The following STAC variants were observed in gnomAD, a reference collection of about 807,000 sequenced individuals.
The protein encoded by STAC is SH3 and cysteine rich domain.
In STAC, 43 loss-of-function variants were observed where a neutral mutation model predicts 48.8. The ratio of observed to expected loss-of-function variants is 0.88; its 90% CI spans 0.69 to 1.14. The LOEUF is 1.14. Among genes scored for constraint, STAC ranks in the 50% most tolerant of loss-of-function variants. The pLI is 0.00. For synonymous variants in STAC, 193 were observed against 179.5 expected, an observed-to-expected ratio of 1.07 and a Z score of -0.60; for missense variants, 497 against 504.0, an observed-to-expected ratio of 0.99 and a Z score of 0.13.
chr3:36,449,160 A>G (rs1407202785), intron 2 of STAC, among the ~76,000 whole-genome samples: 1 of 152,114 alleles, frequency 6.6e-6, no homozygotes, highest in Non-Finnish European at 1.5e-5. Flanking sequence ...TCTGTGGATT[A>G]GAGGAGGGGA....
intron 2 of STAC, among the ~76,000 whole-genome samples, chr3:36,455,594 C>T (rs990526522): frequency 3.3e-5 from 5 of 152,354 alleles, no homozygotes; most frequent in Middle Eastern, 3.4e-3. Flanking sequence ...TCATCCTGCA[C>T]TATCATTCAG....
chr3:36,509,791 C>T (rs148522140), intron 8 of STAC, among the ~76,000 whole-genome samples: 287 of 151,968 alleles, frequency 1.9e-3, no homozygotes, highest in African/African-American at 6.5e-3. Flanking sequence ...CTGCCTTACA[C>T]CTTATACAAA....
rs181824031 is a variant in STAC at position 36,445,778 on chromosome 3, G to A, written c.388+2138G>A. On this transcript the variant is annotated intron_variant, in intron 2 of 10. Transcript: ENST00000273183. ...ATGACATCCCAGAAAAGATATTAAAGCTGTTTGTTTTTTCCTTTCTACTGG... is the reference window on the plus strand; with the variant it reads ...ATGACATCCCAGAAAAGATATTAAAACTGTTTGTTTTTTCCTTTCTACTGG... Among the ~76,000 whole-genome samples, 9 of 152,278 alleles carry A rather than the reference G, an allele frequency of 5.9e-5. No homozygotes were observed. The East Asian group carries it at 1.5e-3, about 26-fold the overall frequency.
chr3:36,476,528 T>C (rs913706255), intron 2 of STAC, among the ~76,000 whole-genome samples: 6 of 152,130 alleles, frequency 3.9e-5, no homozygotes, highest in Admixed American at 3.9e-4. Context: ...GGTTTCATGT[T>C]GAAAATGAAG....
chr3:36,414,917 A>T (rs2125638386), intron 1 of STAC, among the ~76,000 whole-genome samples: 1 of 152,060 alleles, frequency 6.6e-6, no homozygotes, highest in African/African-American at 2.4e-5. Context: ...GGTCTGTTGG[A>T]GTTTGCTAGA....
intron 6 of STAC, among the ~76,000 whole-genome samples, chr3:36,494,357 T>C (rs1698080448): frequency 6.6e-6 from 1 of 152,206 alleles, no homozygotes; most frequent in Non-Finnish European, 1.5e-5. Context: ...GGACCTGAGT[T>C]GCATTGTTAA....
At chr3:36,476,542 G>A (rs1384828429) in intron 2 of STAC, among the ~76,000 whole-genome samples, 1 of 152,168 alleles carries the variant, frequency 6.6e-6, no homozygotes, top group Non-Finnish European at 1.5e-5. Context: ...AATGAAGCAA[G>A]GAAAGTAGGG....
At chr3:36,451,656 TTACATGTGTTATTTTGA>T (rs1322371604) in intron 2 of STAC, among the ~76,000 whole-genome samples, 1 of 152,216 alleles carries the variant, frequency 6.6e-6, no homozygotes, top group African/African-American at 2.4e-5. Flanking sequence ...TATTTATGAG[TTACATGTGTTATTTTGA>T]TACATGCATA....
rs543474558 is a variant in STAC at position 36,414,414 on chromosome 3, T to C, written c.112-28950T>C. Among the ~76,000 whole-genome samples, 44 of 152,350 alleles carry C rather than the reference T, an allele frequency of 2.9e-4. No homozygotes were observed. The South Asian group carries it at 8.9e-3, about 31-fold the overall frequency. On this transcript the variant is annotated intron_variant, in intron 1 of 10. Coordinates refer to ENST00000273183, the MANE Select transcript of STAC (RefSeq NM_003149.3). ...TCTCTAAACTTATCTTCTCGCTTCA[T>C]TTCATTCATTTGATCTTCCATCACT...
At chr3:36,432,567 T>C (rs573613869) in intron 1 of STAC, among the ~76,000 whole-genome samples, 145 of 152,184 alleles carry the variant, frequency 9.5e-4, no homozygotes, top group Non-Finnish European at 1.8e-3. Context: ...CTGGGTATGG[T>C]AGTGGGTGCC....
rs113491862 is a variant in STAC at position 36,493,180 on chromosome 3, A to T, written c.717A>T (p.Glu239Asp). The T allele has an allele frequency of 3.1e-6, 5 of 1,613,548 alleles. No individual in the cohort carries two copies. Among genetic ancestry groups the T allele is most frequent in the Non-Finnish European group, 4.2e-6 (5 of 1,179,628 alleles). The stretch of plus-strand genomic sequence containing the variant: ...CAGATCTTGTGGAGGTTCCTGAGGA[A>T]GCCAATGGGCCAGGAGGCGGGTATG... ...STSDLVEVPEEANGPGGGYDL... is the reference protein window; with the variant it reads ...STSDLVEVPEDANGPGGGYDL... The change falls in exon 6 of 11, where the codon GAA becomes GAT. Residue 239 changes from glutamate to aspartate, a missense_variant. By Grantham distance (45) the Glu-to-Asp change is conservative. Transcript: ENST00000273183.
chr3:36,380,878 T>A, intron 1 of STAC, 124 bp downstream of exon 1: 1 of 536,430 alleles, frequency 1.9e-6, no homozygotes, highest in South Asian at 2.2e-5. Context: ...AGCCCAGGGC[T>A]GTAGGACTTG....
intron 2 of STAC, among the ~76,000 whole-genome samples, chr3:36,482,735 C>G (rs1036811946): frequency 6.6e-6 from 1 of 152,084 alleles, no homozygotes; most frequent in African/African-American, 2.4e-5. Context: ...ATTGAGAGAA[C>G]AAAGGGCATG....
intron 5 of STAC, among the ~76,000 whole-genome samples, chr3:36,488,117 G>C (rs1309604811): frequency 1.3e-5 from 2 of 152,128 alleles, no homozygotes. Context: ...TATTTTTTGA[G>C]AGATGGGGTC....
chr3:36,417,885 G>C (rs1559483643), intron 1 of STAC, among the ~76,000 whole-genome samples: 1 of 152,128 alleles, frequency 6.6e-6, no homozygotes, highest in Non-Finnish European at 1.5e-5. Context: ...TGATGTTTAA[G>C]CTAATCAGCT....
At chr3:36,464,832 T>A (rs1236464803) in intron 2 of STAC, among the ~76,000 whole-genome samples, 2 of 140,254 alleles carry the variant, frequency 1.4e-5, no homozygotes, top group Non-Finnish European at 3.0e-5. Context: ...GTGTGTGTAT[T>A]TTTTTTTTTA....
intron 10 of STAC, 115 bp from the exon 11 acceptor site, chr3:36,546,076 C>G (rs1024207938): frequency 7.5e-6 from 6 of 799,022 alleles, no homozygotes; most frequent in Non-Finnish European, 1.0e-5. Context: ...AACTGCTCTC[C>G]CTTTTCCAGT....
At chr3:36,435,154 C>T (rs1381978996) in intron 1 of STAC, among the ~76,000 whole-genome samples, 1 of 152,118 alleles carries the variant, frequency 6.6e-6, no homozygotes, top group African/African-American at 2.4e-5. Flanking sequence ...CCCATCCTAC[C>T]ACGGTACATT....
At chr3:36,497,268 C>T (rs902319291) in intron 6 of STAC, among the ~76,000 whole-genome samples, 7 of 152,272 alleles carry the variant, frequency 4.6e-5, no homozygotes, top group Non-Finnish European at 1.0e-4. Flanking sequence ...TAAAGTTGAA[C>T]AGAAGATTCC....
Sources: gnomAD v4.1 joint callset for allele counts (sites outside exome capture counted in the v4.1 genomes callset) on GRCh38, gnomAD v4.1.1 for gene constraint, MANE v1.5 for transcripts, NCBI Gene and HGNC (gene_info 2026-07-23, HGNC 2026-07-21) for gene names.